Variants in NT5DC1 observed in about 807,000 individuals in gnomAD.
NT5DC1 encodes 5'-nucleotidase domain-containing protein 1.
NT5DC1 carries 42 observed loss-of-function variants against 59.4 expected under a neutral mutation model. The ratio of observed to expected loss-of-function variants is 0.71; its 90% CI spans 0.55 to 0.92. The LOEUF (loss-of-function observed/expected upper bound fraction) is 0.92. Ranked by LOEUF, NT5DC1 falls within the 40% of genes least tolerant of loss-of-function variation. The pLI is 0.00. For synonymous variants in NT5DC1, 172 were observed against 188.1 expected (o/e 0.91, Z 0.70); for missense variants, 501 against 537.1 (o/e 0.93, Z 0.66).
At chr6:116,176,807 C>A (rs1780744461) in intron 6 of NT5DC1, among the ~76,000 whole-genome samples, 1 of 152,120 alleles carries the variant, frequency 6.6e-6, no homozygotes, top group Non-Finnish European at 1.5e-5. Context: ...GTTGTTCCCC[C>A]TAGAGGGACA....
At chr6:116,115,634 A>T in intron 4 of NT5DC1, 57 bp from the exon 5 acceptor site, 1 of 836,926 alleles carries the variant, frequency 1.2e-6, no homozygotes, top group East Asian at 2.5e-5. Flanking sequence ...ATTCCTGTGT[A>T]TTTCACATGC....
intron 9 of NT5DC1, among the ~76,000 whole-genome samples, chr6:116,237,868 T>A (rs968332842): frequency 6.6e-6 from 1 of 152,216 alleles, no homozygotes; most frequent in East Asian, 1.9e-4. Flanking sequence ...GGGGCCATTT[T>A]ATTAATAATT....
At chr6:116,222,895 GAAAAAT>G (rs1398271040) in intron 7 of NT5DC1, 133 bp from the exon 8 acceptor site, 1 of 572,020 alleles carries the variant, frequency 1.7e-6, no homozygotes, top group Non-Finnish European at 3.1e-6. Context: ...AAGTGTGTGA[GAAAAAT>G]ATAAAGCATG....
chr6:116,129,236 A>G (rs1779404257), intron 6 of NT5DC1, among the ~76,000 whole-genome samples: 1 of 152,214 alleles, frequency 6.6e-6, no homozygotes, highest in African/African-American at 2.4e-5. Context: ...AAACATATGT[A>G]TACACATGTC....
At chr6:116,149,633 A>G (rs1024334942) in intron 6 of NT5DC1, among the ~76,000 whole-genome samples, 2 of 152,216 alleles carry the variant, frequency 1.3e-5, no homozygotes, top group Non-Finnish European at 2.9e-5. Context: ...TGTTTTTCCA[A>G]AAAAGCCCAA....
chr6:116,120,917 T>C, intron 6 of NT5DC1: 1 of 1,613,894 alleles, frequency 6.2e-7, no homozygotes, highest in Non-Finnish European at 8.5e-7. Flanking sequence ...TGGGTTACCC[T>C]TAGGACCATC....
chr6:116,120,083 G>T, intron 6 of NT5DC1: 1 of 1,613,876 alleles, frequency 6.2e-7, no homozygotes, highest in Non-Finnish European at 8.5e-7. Flanking sequence ...TCACATTGGA[G>T]CCACTAGGAA....
rs1013347755 is a variant in NT5DC1, at chr6:116,121,152, T to C, written c.529+3207T>C. On this transcript the variant is annotated intron_variant, in intron 6 of 11. Coordinates refer to ENST00000319550, the MANE Select transcript of NT5DC1 (RefSeq NM_152729.3). The stretch of plus-strand genomic sequence containing the variant: ...AGACCTGCTGGCCCTTGTTCCCCTT[T>C]GGCACCTGGACCCCCAGGAAGGCCA... The C allele has an allele frequency of 6.2e-7, 1 of 1,613,218 alleles. No homozygotes were observed. Among genetic ancestry groups the C allele is most frequent in the African/African-American group, 1.3e-5 (1 of 74,974 alleles).
At chr6:116,114,224 C>T (rs1371337447) in intron 4 of NT5DC1, among the ~76,000 whole-genome samples, 1 of 151,908 alleles carries the variant, frequency 6.6e-6, no homozygotes, top group South Asian at 2.1e-4. Context: ...CTGGCACAGC[C>T]ATTTTGTGAA....
At chr6:116,172,612 G>T (rs1019387543) in intron 6 of NT5DC1, among the ~76,000 whole-genome samples, 2 of 151,934 alleles carry the variant, frequency 1.3e-5, no homozygotes, top group Non-Finnish European at 2.9e-5. Context: ...GAGCCACCGC[G>T]CCAGGCCACA....
intron 6 of NT5DC1, among the ~76,000 whole-genome samples, chr6:116,144,450 G>A (rs1053663169): frequency 6.8e-6 from 1 of 146,260 alleles, no homozygotes; most frequent in Non-Finnish European, 1.5e-5. Context: ...GCAGTGAGCT[G>A]ATGTTGTGCC....
At chr6:116,231,559 C>T (rs183709462) in intron 8 of NT5DC1, among the ~76,000 whole-genome samples, 286 of 152,288 alleles carry the variant, frequency 1.9e-3, no homozygotes, top group Non-Finnish European at 3.0e-3. Context: ...ACTGCTATAT[C>T]CCTACTGACT....
rs182234790 is a variant in NT5DC1 at position 116,167,581 on chromosome 6, A to G, written c.529+49636A>G. On this transcript the variant is annotated intron_variant, in intron 6 of 11. Transcript: ENST00000319550. Reference sequence around the variant, plus strand: ...CAGTTATTTGTACTGATTTCATTTGATAAAATTGCAATATTTTATAAATTG... The same window carrying G: ...CAGTTATTTGTACTGATTTCATTTGGTAAAATTGCAATATTTTATAAATTG... Among the ~76,000 whole-genome samples the G allele has an allele frequency of 6.9e-4, 105 of 152,300 alleles. No homozygotes were observed. The East Asian group carries it at 0.017, about 25-fold the overall frequency.
At chr6:116,111,971 G>T (rs1778885847) in intron 4 of NT5DC1, among the ~76,000 whole-genome samples, 1 of 152,124 alleles carries the variant, frequency 6.6e-6, no homozygotes, top group Non-Finnish European at 1.5e-5. Context: ...CCTTTCTCCT[G>T]GAAAAGCCAG....
chr6:116,229,172 A>G (rs531234029), intron 8 of NT5DC1, among the ~76,000 whole-genome samples: 4 of 152,330 alleles, frequency 2.6e-5, no homozygotes, highest in South Asian at 2.1e-4. Context: ...CCAAGCTAGT[A>G]AGCAAAAACC....
At chr6:116,242,341 CAAAATAAAAATAAA>C (rs1263088111) in intron 11 of NT5DC1, among the ~76,000 whole-genome samples, 1 of 151,466 alleles carries the variant, frequency 6.6e-6, no homozygotes, top group Non-Finnish European at 1.5e-5. Context: ...ACTCTTGTCT[CAAAATAAAAATAAA>C]AAAATAAAAA....
intron 6 of NT5DC1, among the ~76,000 whole-genome samples, chr6:116,212,178 G>A (rs1353798364): frequency 1.3e-5 from 2 of 151,710 alleles, no homozygotes; most frequent in Admixed American, 1.3e-4. Context: ...AAATCTCACT[G>A]ATTTGAAACT....
At chr6:116,228,449 G>A (rs1206972730) in intron 8 of NT5DC1, among the ~76,000 whole-genome samples, 16 of 151,952 alleles carry the variant, frequency 1.1e-4, no homozygotes, top group Admixed American at 8.5e-4. Context: ...CAGAGGTTGC[G>A]GTGAGCCAAG....
intron 6 of NT5DC1, among the ~76,000 whole-genome samples, chr6:116,126,896 A>G (rs868251828): frequency 7.9e-5 from 12 of 152,178 alleles, no homozygotes; most frequent in East Asian, 3.8e-4. Flanking sequence ...AATCATCCCA[A>G]TTAGAAACAC....
Sources: allele counts gnomAD v4.1 joint callset (sites outside exome capture counted in the v4.1 genomes callset), GRCh38; gene constraint gnomAD v4.1.1; transcripts MANE v1.5; gene names NCBI Gene and HGNC (gene_info 2026-07-23, HGNC 2026-07-21).